The following ZNF410 variants were observed in gnomAD, a reference collection of about 807,000 sequenced individuals.
ZNF410 encodes zinc finger protein 410, also known as another partner for ARF 1.
A neutral mutation model predicts 54.8 loss-of-function variants in ZNF410; 18 were observed. The observed-to-expected ratio is 0.33, with a 90% CI of 0.23 to 0.49. ZNF410 has a LOEUF of 0.49. Ranked by LOEUF, ZNF410 falls within the 20% of genes least tolerant of loss-of-function variation. ZNF410 has a pLI of 0.99. For synonymous variants in ZNF410, 191 were observed against 207.3 expected, an observed-to-expected ratio of 0.92 and a Z score of 0.68; for missense variants, 405 against 569.6, an observed-to-expected ratio of 0.71 and a Z score of 2.94.
intron 11 of ZNF410, among the ~76,000 whole-genome samples, chr14:73,926,692 C>T (rs923111151): frequency 1.3e-5 from 2 of 152,172 alleles, no homozygotes; most frequent in East Asian, 1.9e-4. Context: ...ACCTCGGCCT[C>T]CCAAAGTGCT....
intron 5 of ZNF410, among the ~76,000 whole-genome samples, chr14:73,903,311 C>T (rs1036467994): frequency 2.0e-5 from 3 of 152,136 alleles, no homozygotes; most frequent in African/African-American, 7.2e-5. Flanking sequence ...ATCCCTGCTT[C>T]TCCACCAAAC....
At chr14:73,909,864 C>T (rs969634017) in intron 8 of ZNF410, among the ~76,000 whole-genome samples, 3 of 152,194 alleles carry the variant, frequency 2.0e-5, no homozygotes, top group African/African-American at 7.2e-5. Context: ...CTGCTTGAGT[C>T]ACCATTTTGG....
chr14:73,901,615 A>G (rs191392132), intron 5 of ZNF410, among the ~76,000 whole-genome samples: 1 of 151,756 alleles, frequency 6.6e-6, no homozygotes, highest in Admixed American at 6.6e-5. Context: ...CCCTACTATC[A>G]CTGATTTGAA....
At chr14:73,889,689 A>G (rs950510979) in intron 1 of ZNF410, among the ~76,000 whole-genome samples, 1 of 152,160 alleles carries the variant, frequency 6.6e-6, no homozygotes, top group Admixed American at 6.5e-5. Context: ...AAACTGTTGC[A>G]GTGCTTGAAT....
intron 5 of ZNF410, among the ~76,000 whole-genome samples, chr14:73,899,618 G>A (rs1461556365): frequency 6.6e-6 from 1 of 152,110 alleles, no homozygotes; most frequent in Non-Finnish European, 1.5e-5. Flanking sequence ...AGCAGCGTAG[G>A]GAGGGGAGCT....
intron 8 of ZNF410, chr14:73,913,403 A>T (rs1391259420): frequency 1.3e-5 from 2 of 151,528 alleles, no homozygotes; most frequent in African/African-American, 4.9e-5. Flanking sequence ...AGGTTGAAGG[A>T]AAAAAAAAGG....
At chr14:73,893,190 T>C in intron 2 of ZNF410, 1 of 152,378 alleles carries the variant, frequency 6.6e-6, no homozygotes, top group South Asian at 2.1e-4. Context: ...TTGATTTTTT[T>C]TAAGCCATTA....
chr14:73,905,966 C>CAT (rs1197338487), intron 7 of ZNF410, among the ~76,000 whole-genome samples: 1,830 of 66,348 alleles, frequency 0.028, 64 homozygotes, highest in African/African-American at 0.09. Context: ...CACACACACA[C>CAT]ACATATATAT....
chr14:73,904,826 T>A, intron 6 of ZNF410, 76 bp from the exon 7 acceptor site: 1 of 1,496,632 alleles, frequency 6.7e-7, no homozygotes, highest in Non-Finnish European at 9.0e-7. Context: ...GCCTTGAGAG[T>A]CAATAGGGGC....
chr14:73,889,348 A>C (rs1043594271), intron 1 of ZNF410, among the ~76,000 whole-genome samples: 6 of 144,694 alleles, frequency 4.1e-5, no homozygotes, highest in African/African-American at 1.5e-4. Flanking sequence ...TAATTGAAAA[A>C]TTTTTTTTTG....
intron 8 of ZNF410, chr14:73,915,796 T>A (rs2055656053): frequency 6.6e-6 from 1 of 152,220 alleles, no homozygotes. Context: ...GATGATCTTG[T>A]TTTTGTACTG....
Position 73,931,974 on chromosome 14 carries a change from A to G in ZNF410, c.*433A>G. 1 of 456,716 alleles carries G rather than the reference A, an allele frequency of 2.2e-6. No homozygotes were observed. The highest frequency in any genetic ancestry group is 4.4e-6 in the Non-Finnish European group (1 of 226,944). 28.3% of individuals were successfully genotyped at this position (456,716 alleles called of 1,614,324 possible). On this transcript the variant is annotated 3_prime_UTR_variant, in exon 12 of 12. Transcript: ENST00000555044. ...GCTTCACCAGGAAGTTGAGTTTTCA[A>G]GATGCCTTGTTGCTTTGAAGAAGGG...
Position 73,923,399 on chromosome 14 carries a change from G to A in ZNF410, c.1275G>A (p.Val425=), listed in dbSNP as rs2140326095. ...CATTTTTCTGTTGCTTCACAGAGGT[G>A]CTTGCTGAAGGATCCCCACGTTCCC... The part of the protein sequence containing the change: ...TNSILGVDDE[V]LAEGSPRSLS... Residue 425 remains valine, a synonymous_variant, in exon 11 of 12, where the codon GTG becomes GTA. Transcript: ENST00000555044. 6.2e-7 allele frequency: 1 copy of A among 1,612,740 alleles called. No homozygotes were observed. Among genetic ancestry groups the A allele is most frequent in the East Asian group, 2.2e-5 (1 of 44,860 alleles).
intron 4 of ZNF410, 81 bp from the exon 5 acceptor site, chr14:73,897,990 A>AG (rs1555352883): frequency 6.7e-6 from 8 of 1,187,390 alleles, no homozygotes; most frequent in African/African-American, 3.1e-5. Flanking sequence ...AAAAAAAAAA[A>AG]GGGACATGGA....
At chr14:73,904,842 C>T in intron 6 of ZNF410, 60 bp from the exon 7 acceptor site, 6 of 1,560,694 alleles carry the variant, frequency 3.8e-6, no homozygotes, top group Non-Finnish European at 5.2e-6. Flanking sequence ...GGGGCTTTGA[C>T]TTGTCATCTC....
intron 4 of ZNF410, among the ~76,000 whole-genome samples, chr14:73,897,335 A>G (rs2055332747): frequency 6.6e-6 from 1 of 152,204 alleles, no homozygotes; most frequent in Admixed American, 6.5e-5. Context: ...GTAAATAGCT[A>G]GAGAAGTACT....
At chr14:73,901,323 C>T (rs2055403342) in intron 5 of ZNF410, among the ~76,000 whole-genome samples, 1 of 152,120 alleles carries the variant, frequency 6.6e-6, no homozygotes, top group South Asian at 2.1e-4. Flanking sequence ...ATAATCCCAG[C>T]ACTTTGGGAG....
chr14:73,914,626 C>CT (rs771997792), intron 8 of ZNF410: 49,645 of 112,018 alleles, frequency 0.44, 12,218 homozygotes, highest in South Asian at 0.58. Flanking sequence ...CCTTAATTTC[C>CT]TTTTTTTTTT....
chr14:73,918,966 T>C (rs1480168285), intron 8 of ZNF410, among the ~76,000 whole-genome samples: 1 of 144,670 alleles, frequency 6.9e-6, no homozygotes, highest in African/African-American at 2.6e-5. Flanking sequence ...CCAAAGTGCC[T>C]GGATTACAGG....
Sources: allele counts gnomAD v4.1 joint callset (sites outside exome capture counted in the v4.1 genomes callset), GRCh38; gene constraint gnomAD v4.1.1; transcripts MANE v1.5; gene names NCBI Gene and HGNC (gene_info 2026-07-23, HGNC 2026-07-21).